The following GHR variants were observed in gnomAD, a reference collection of about 807,000 sequenced individuals.
GHR encodes GH receptor.
GHR carries 35 observed loss-of-function variants against 67.1 expected under a neutral mutation model. The observed-to-expected ratio is 0.52, with a 90% CI of 0.40 to 0.69. The LOEUF (loss-of-function observed/expected upper bound fraction) is 0.69. GHR is among the 30% of genes least tolerant of loss of function. GHR has a pLI of 0.00. For synonymous variants in GHR, 272 were observed against 269.1 expected (o/e 1.01, Z -0.10); for missense variants, 792 against 764.6 (o/e 1.04, Z -0.42).
At chr5:42,690,409 T>C (rs188490185) in intron 4 of GHR, among the ~76,000 whole-genome samples, 2 of 152,294 alleles carry the variant, frequency 1.3e-5, no homozygotes, top group African/African-American at 4.8e-5. Context: ...AGATAACCCA[T>C]GAAAAATACT....
intron 1 of GHR, among the ~76,000 whole-genome samples, chr5:42,463,507 G>A (rs2972408): frequency 0.5 from 76,336 of 152,004 alleles, 20,324 homozygotes; most frequent in African/African-American, 0.66. Flanking sequence ...TAAAATTTGC[G>A]TGCAGATGAC....
intron 6 of GHR, among the ~76,000 whole-genome samples, chr5:42,705,774 A>G (rs1383625794): frequency 1.3e-5 from 2 of 152,114 alleles, no homozygotes; most frequent in African/African-American, 4.8e-5. Context: ...CATGGTGTAC[A>G]TATACCACAT....
chr5:42,604,323 G>C (rs746683615), intron 2 of GHR, among the ~76,000 whole-genome samples: 2 of 152,216 alleles, frequency 1.3e-5, no homozygotes, highest in African/African-American at 4.8e-5. Context: ...GTATTAGCTA[G>C]TGCTAACAGA....
chr5:42,468,291 T>C, intron 1 of GHR: 1 of 1,576,252 alleles, frequency 6.3e-7, no homozygotes, highest in Non-Finnish European at 8.7e-7. Flanking sequence ...GGCATGGGCC[T>C]AGGGCCATGG....
At chr5:42,718,012 CT>C (rs2111860931) in intron 8 of GHR, 39 bp from the exon 9 acceptor site, 1 of 920,830 alleles carries the variant, frequency 1.1e-6, no homozygotes, top group South Asian at 1.3e-5. Context: ...GAATATGTAG[CT>C]TTTAAGATGT....
chr5:42,595,774 G>A (rs1310156021), intron 2 of GHR, among the ~76,000 whole-genome samples: 1 of 152,224 alleles, frequency 6.6e-6, no homozygotes, highest in Non-Finnish European at 1.5e-5. Flanking sequence ...TGGGTTGCTG[G>A]AGAGGCGGGG....
intron 3 of GHR, among the ~76,000 whole-genome samples, chr5:42,660,463 T>C (rs1328946574): frequency 2.6e-5 from 4 of 152,328 alleles, no homozygotes; most frequent in South Asian, 4.1e-4. Flanking sequence ...GAAAATCCGC[T>C]GTTCTGCAGC....
intron 1 of GHR, among the ~76,000 whole-genome samples, chr5:42,521,406 A>G: frequency 6.6e-6 from 1 of 152,204 alleles, no homozygotes; most frequent in East Asian, 1.9e-4. Flanking sequence ...TGAAGCCATA[A>G]TTGCTTAGCC....
intron 1 of GHR, chr5:42,468,110 T>G: frequency 8.6e-7 from 1 of 1,158,062 alleles, no homozygotes; most frequent in Non-Finnish European, 1.3e-6. Context: ...AACCAGTAAC[T>G]GAAGGTTCTT....
rs1405926633 is a variant in GHR, at chr5:42,689,102, G to T, written c.266+83G>T. 7 of 1,183,054 alleles carry T rather than the reference G, an allele frequency of 5.9e-6. No individual in the cohort carries two copies. Among genetic ancestry groups the T allele is most frequent in the Non-Finnish European group, 7.6e-6 (6 of 786,878 alleles). 73.3% of individuals were successfully genotyped at this position (1,183,054 alleles called of 1,614,324 possible). ...CTGAGTCAGATGTACTGTGGGAATG[G>T]AAGTGATTTGTTGTGATTTATGCAA... On this transcript the variant is annotated intron_variant, in intron 4 of 9. Coordinates refer to ENST00000230882, the MANE Select transcript of GHR (RefSeq NM_000163.5).
At chr5:42,548,264 G>C in intron 1 of GHR, 1 of 985,286 alleles carries the variant, frequency 1.0e-6, no homozygotes, top group Non-Finnish European at 1.2e-6. Context: ...ACTGATTTGG[G>C]AGGGATTTTG....
intron 8 of GHR, among the ~76,000 whole-genome samples, chr5:42,716,631 G>A (rs1211488693): frequency 3.3e-5 from 5 of 152,306 alleles, no homozygotes; most frequent in African/African-American, 1.2e-4. Context: ...TGATTTATCA[G>A]AAGCACTAAA....
At chr5:42,656,759 A>G (rs1755276890) in intron 3 of GHR, among the ~76,000 whole-genome samples, 1 of 152,158 alleles carries the variant, frequency 6.6e-6, no homozygotes. Context: ...GCTCATGGAC[A>G]TTTACTTTAT....
chr5:42,492,421 CT>C (rs920446214), intron 1 of GHR, among the ~76,000 whole-genome samples: 1 of 152,168 alleles, frequency 6.6e-6, no homozygotes, highest in Non-Finnish European at 1.5e-5. Flanking sequence ...TCTGTTTTCA[CT>C]GTCAGTTCTT....
chr5:42,643,530 G>A (rs1362025233), intron 3 of GHR, among the ~76,000 whole-genome samples: 1 of 152,066 alleles, frequency 6.6e-6, no homozygotes, highest in Non-Finnish European at 1.5e-5. Flanking sequence ...ATGTCTACAC[G>A]ACCTCTCCCT....
chr5:42,650,611 A>G (rs1437243939), intron 3 of GHR, among the ~76,000 whole-genome samples: 2 of 143,938 alleles, frequency 1.4e-5, no homozygotes, highest in Non-Finnish European at 3.0e-5. Context: ...ATGTATGTCT[A>G]TGACTGCTGG....
In GHR at chr5:42,707,178, C is replaced by G. The variant is rs141556492; in HGVS notation, c.619-4029C>G. Among the ~76,000 whole-genome samples the G allele has an allele frequency of 9.1e-3, 1,387 of 151,850 alleles. 21 individuals are homozygous for G. Among genetic ancestry groups the G allele is most frequent in the African/African-American group, 0.032 (1,323 of 41,442 alleles). On this transcript the variant is annotated intron_variant, in intron 6 of 9. Coordinates refer to ENST00000230882, the MANE Select transcript of GHR (RefSeq NM_000163.5). ...CTATGTTAACCTGATAACAATTTAA[C>G]TTTCTTGCATAAAAAACTCTACACT...
chr5:42,595,341 A>G (rs1752010585), intron 2 of GHR, among the ~76,000 whole-genome samples: 1 of 152,302 alleles, frequency 6.6e-6, no homozygotes, highest in African/African-American at 2.4e-5. Context: ...TGCAGTAAAA[A>G]CTATACTTCT....
chr5:42,526,432 G>A (rs1335008528), intron 1 of GHR, among the ~76,000 whole-genome samples: 1 of 152,194 alleles, frequency 6.6e-6, no homozygotes, highest in Non-Finnish European at 1.5e-5. Context: ...ACCAGCAGGT[G>A]CTAATTTAGA....
Sources: gnomAD v4.1 joint callset for allele counts (sites outside exome capture counted in the v4.1 genomes callset) on GRCh38, gnomAD v4.1.1 for gene constraint, MANE v1.5 for transcripts, NCBI Gene and HGNC (gene_info 2026-07-23, HGNC 2026-07-21) for gene names.